Variants in PLCE1 observed in about 807,000 individuals in gnomAD.
The protein encoded by PLCE1 is phospholipase C epsilon 1.
PLCE1 carries 119 observed loss-of-function variants against 242.8 expected under a neutral mutation model. The ratio of observed to expected loss-of-function variants is 0.49; its 90% confidence interval spans 0.42 to 0.57. The LOEUF is 0.57. Ranked by LOEUF, PLCE1 falls within the 20% of genes least tolerant of loss-of-function variation. The pLI, the probability that PLCE1 is intolerant of heterozygous loss-of-function variation, is 0.00. For missense variants in PLCE1, 2,441 were observed against 2,788.8 expected (o/e 0.88, Z 2.81); for synonymous variants, 945 against 1,017.4 (o/e 0.93, Z 1.35).
At chr10:94,207,901 C>T (rs546050662) in intron 4 of PLCE1, among the ~76,000 whole-genome samples, 4 of 152,038 alleles carry the variant, frequency 2.6e-5, no homozygotes, top group South Asian at 2.1e-4. Flanking sequence ...CATTTGACTA[C>T]GCCAATTTAA....
At position 94,052,686 on chromosome 10, in the gene PLCE1, T is replaced by C. The variant is rs972879889; in HGVS notation, c.1206+20434T>C. Among the ~76,000 whole-genome samples the C allele has an allele frequency of 5.3e-4, 80 of 152,210 alleles. 1 individual carries two copies. The highest frequency in any genetic ancestry group is 1.8e-3 in the African/African-American group (76 of 41,452). Reference sequence around the variant, plus strand: ...AGCTAGAAAAAAGGAATGAGGAAAGTCCAAAGTGTCTTTTCCTATTTGGAC... The same window carrying C: ...AGCTAGAAAAAAGGAATGAGGAAAGCCCAAAGTGTCTTTTCCTATTTGGAC... On this transcript the variant is annotated intron_variant, in intron 2 of 32. Coordinates refer to ENST00000371380, the MANE Select transcript of PLCE1 (RefSeq NM_016341.4).
intron 2 of PLCE1, among the ~76,000 whole-genome samples, chr10:94,095,452 GT>G (rs1224740259): frequency 1.3e-5 from 2 of 152,146 alleles, no homozygotes; most frequent in Non-Finnish European, 2.9e-5. Context: ...CACCTCCCAG[GT>G]TCAAGCGATC....
chr10:94,127,696 T>A (rs899103899), intron 2 of PLCE1, among the ~76,000 whole-genome samples: 2 of 152,238 alleles, frequency 1.3e-5, no homozygotes, highest in Non-Finnish European at 2.9e-5. Context: ...TGCCAGATGC[T>A]GTTCTAATCA....
intron 9 of PLCE1, 69 bp from the exon 10 acceptor site, chr10:94,254,121 C>G: frequency 8.7e-7 from 1 of 1,145,016 alleles, no homozygotes; most frequent in Admixed American, 1.7e-5. Context: ...AAATAGAGAC[C>G]TACCTGAACT....
At chr10:94,082,280 A>T (rs1312555242) in intron 2 of PLCE1, 1 of 152,240 alleles carries the variant, frequency 6.6e-6, no homozygotes, top group Non-Finnish European at 1.5e-5. Flanking sequence ...GAAAATAATT[A>T]TTGCCTTAGT....
At chr10:94,213,872 A>G (rs923232282) in intron 4 of PLCE1, among the ~76,000 whole-genome samples, 2 of 152,192 alleles carry the variant, frequency 1.3e-5, no homozygotes, top group African/African-American at 2.4e-5. Flanking sequence ...GGAGCCCTTC[A>G]TATTTATCGT....
At chr10:94,221,458 C>T (rs931148980) in intron 4 of PLCE1, among the ~76,000 whole-genome samples, 10 of 152,180 alleles carry the variant, frequency 6.6e-5, no homozygotes, top group East Asian at 1.9e-4. Context: ...TTGTCATAGC[C>T]GGGTTCAGTG....
chr10:94,154,433 A>G (rs1397265215), intron 3 of PLCE1, among the ~76,000 whole-genome samples: 1 of 152,248 alleles, frequency 6.6e-6, no homozygotes, highest in African/African-American at 2.4e-5. Flanking sequence ...ATATATACCA[A>G]AGGTACAGGT....
intron 2 of PLCE1, among the ~76,000 whole-genome samples, chr10:94,049,911 T>A (rs1477281287): frequency 6.6e-6 from 1 of 152,206 alleles, no homozygotes; most frequent in Non-Finnish European, 1.5e-5. Context: ...CTTATATCTG[T>A]AAGATTCATC....
chr10:94,005,520 A>T (rs552228742), intron 1 of PLCE1, among the ~76,000 whole-genome samples: 1 of 152,202 alleles, frequency 6.6e-6, no homozygotes, highest in Non-Finnish European at 1.5e-5. Flanking sequence ...CAGCATCTTT[A>T]CCAAGAAATG....
Position 94,265,653 on chromosome 10 carries a change from G to A in PLCE1, c.4060G>A (p.Glu1354Lys), listed in dbSNP as rs1564843295. The change falls in exon 15 of 33, where the codon GAG (glutamate) becomes AAG (lysine). Residue 1354 changes from glutamate (E) to lysine (K), a missense_variant. Around this residue, in one of 5 missense-constraint regions of PLCE1, gnomAD observed 1,004 missense variants for 1,322.7 expected, o/e 0.76. Transcript: ENST00000371380. ...DEILSIIQKFEPSISMCHQGL... is the reference protein window; with the variant it reads ...DEILSIIQKFKPSISMCHQGL... ...TTTTTTTAATCCCTTGCAGAAGTTC[G>A]AGCCTAGCATCAGTATGTGTCATCA... The A allele has an allele frequency of 4.3e-6, 7 of 1,613,020 alleles. No individual in the cohort carries two copies. The highest frequency in any genetic ancestry group is 1.6e-4 in the Middle Eastern group (1 of 6,084).
At chr10:94,323,490 T>C (rs1484622329) in intron 30 of PLCE1, among the ~76,000 whole-genome samples, 2 of 152,212 alleles carry the variant, frequency 1.3e-5, no homozygotes, top group Non-Finnish European at 2.9e-5. Flanking sequence ...GCCCCTACCA[T>C]ATCTGATTTC....
intron 21 of PLCE1, 87 bp downstream of exon 21, chr10:94,283,998 T>C: frequency 1.3e-6 from 2 of 1,483,588 alleles, no homozygotes; most frequent in Middle Eastern, 3.5e-4. Flanking sequence ...TCCCTGTCCC[T>C]CCCTTTCACC....
chr10:94,317,860 C>A (rs2053632352), intron 29 of PLCE1, among the ~76,000 whole-genome samples: 1 of 152,160 alleles, frequency 6.6e-6, no homozygotes, highest in Non-Finnish European at 1.5e-5. Flanking sequence ...GTCTATTCAA[C>A]AATTTGATTA....
At chr10:94,000,367 C>G (rs953364113) in intron 1 of PLCE1, among the ~76,000 whole-genome samples, 2 of 152,152 alleles carry the variant, frequency 1.3e-5, no homozygotes, top group African/African-American at 4.8e-5. Context: ...AGATACTTGG[C>G]CTGTTTGGGC....
intron 1 of PLCE1, among the ~76,000 whole-genome samples, chr10:94,002,184 A>G (rs985180351): frequency 3.9e-5 from 6 of 152,340 alleles, no homozygotes; most frequent in Middle Eastern, 3.4e-3. Flanking sequence ...CATAGAAGCT[A>G]TATAAGTTTG....
intron 2 of PLCE1, among the ~76,000 whole-genome samples, chr10:94,090,710 GTTC>G (rs2135362329): frequency 6.6e-6 from 1 of 152,310 alleles, no homozygotes; most frequent in East Asian, 1.9e-4. Context: ...GCACTCAGTG[GTTC>G]TTCTTGTTTT....
At chr10:94,014,595 A>G (rs1412049254) in intron 1 of PLCE1, among the ~76,000 whole-genome samples, 2 of 152,188 alleles carry the variant, frequency 1.3e-5, no homozygotes, top group Admixed American at 1.3e-4. Flanking sequence ...CCTCTCTCAC[A>G]AGATTTTTCA....
intron 7 of PLCE1, among the ~76,000 whole-genome samples, chr10:94,243,199 A>G (rs1191507577): frequency 6.6e-6 from 1 of 152,192 alleles, no homozygotes; most frequent in African/African-American, 2.4e-5. Context: ...TGTGATAAGA[A>G]TGATACTTTA....
Sources: gnomAD v4.1 joint callset for allele counts (sites outside exome capture counted in the v4.1 genomes callset) on GRCh38, gnomAD v4.1.1 for gene constraint, gnomAD v4.1.1 regional missense constraint, MANE v1.5 for transcripts, NCBI Gene and HGNC (gene_info 2026-07-23, HGNC 2026-07-21) for gene names.